ARHGAP26: variants seen among roughly 807,000 people sequenced by gnomAD.
The protein encoded by ARHGAP26 is Rho GTPase activating protein 26.
In ARHGAP26, 38 loss-of-function variants were observed where a neutral mutation model predicts 104.8. The ratio of observed to expected loss-of-function variants is 0.36; its 90% CI spans 0.28 to 0.48. ARHGAP26 has a LOEUF of 0.48. ARHGAP26 is among the 20% of genes least tolerant of loss of function. ARHGAP26 has a pLI of 0.99. For missense variants in ARHGAP26, 704 were observed against 947.9 expected, an observed-to-expected ratio of 0.74 and a Z score of 3.38; for synonymous variants, 341 against 340.0, an observed-to-expected ratio of 1.00 and a Z score of -0.03.
At chr5:143,175,599 C>A (rs892735466) in intron 20 of ARHGAP26, among the ~76,000 whole-genome samples, 1 of 151,570 alleles carries the variant, frequency 6.6e-6, no homozygotes, top group Admixed American at 6.6e-5. Context: ...AATAAACAGC[C>A]CTTCTCAGTT....
intron 18 of ARHGAP26, among the ~76,000 whole-genome samples, chr5:143,125,240 G>A (rs761268241): frequency 6.6e-6 from 1 of 152,152 alleles, no homozygotes; most frequent in Non-Finnish European, 1.5e-5. Flanking sequence ...TTGCCTACCT[G>A]TCTTTCTGTT....
At chr5:143,108,957 C>T (rs1177272606) in intron 17 of ARHGAP26, among the ~76,000 whole-genome samples, 1 of 152,256 alleles carries the variant, frequency 6.6e-6, no homozygotes, top group African/African-American at 2.4e-5. Context: ...TGGCTAAGGG[C>T]CAGTCCCTTA....
At chr5:142,973,724 C>T (rs1472559806) in intron 11 of ARHGAP26, among the ~76,000 whole-genome samples, 2 of 152,026 alleles carry the variant, frequency 1.3e-5, no homozygotes, top group Non-Finnish European at 2.9e-5. Flanking sequence ...TACCTTAAGA[C>T]CCAGGACATT....
At chr5:143,191,296 A>G (rs574274462) in intron 20 of ARHGAP26, among the ~76,000 whole-genome samples, 6 of 152,372 alleles carry the variant, frequency 3.9e-5, no homozygotes, top group African/African-American at 1.4e-4. Context: ...AAATGATACC[A>G]AAATTAAGAG....
At chr5:143,029,145 A>G (rs191825181) in intron 12 of ARHGAP26, among the ~76,000 whole-genome samples, 2 of 152,230 alleles carry the variant, frequency 1.3e-5, no homozygotes, top group East Asian at 3.9e-4. Context: ...GAAAATTGGA[A>G]ATTATTCTTC....
intron 19 of ARHGAP26, among the ~76,000 whole-genome samples, chr5:143,135,666 C>T (rs548280211): frequency 4.6e-5 from 7 of 152,286 alleles, no homozygotes; most frequent in Admixed American, 3.9e-4. Flanking sequence ...TAGCATCATT[C>T]GGGTTGTTTC....
chr5:143,057,415 A>AT (rs1470323968), intron 16 of ARHGAP26, among the ~76,000 whole-genome samples: 2 of 151,922 alleles, frequency 1.3e-5, no homozygotes, highest in Non-Finnish European at 2.9e-5. Flanking sequence ...CTTGGCTTTG[A>AT]TTTTTTGATG....
intron 4 of ARHGAP26, among the ~76,000 whole-genome samples, chr5:142,879,853 A>C (rs1231353343): frequency 6.6e-6 from 1 of 152,130 alleles, no homozygotes; most frequent in Non-Finnish European, 1.5e-5. Context: ...AGGGGTTACA[A>C]ATTTGTGCCC....
chr5:142,797,180 T>A (rs1310178680), intron 1 of ARHGAP26, among the ~76,000 whole-genome samples: 1 of 152,208 alleles, frequency 6.6e-6, no homozygotes, highest in Admixed American at 6.5e-5. Context: ...GAGCATTGTA[T>A]CATTTCTCTG....
chr5:143,079,429 G>A (rs925825593), intron 17 of ARHGAP26, among the ~76,000 whole-genome samples: 2 of 152,138 alleles, frequency 1.3e-5, no homozygotes, highest in African/African-American at 4.8e-5. Flanking sequence ...TAGTCGGCAC[G>A]GGAGAAAGGC....
rs562204559 is a variant in ARHGAP26, at chr5:142,943,198, T to C, written c.1107+11073T>C. 3.3e-4 allele frequency among the ~76,000 whole-genome samples: 51 copies of C among 152,344 alleles called. 1 individual carries two copies. Among genetic ancestry groups the C allele is most frequent in the South Asian group, 1.5e-3 (7 of 4,822 alleles). ...GTTCACTAAATATTTGCCAAATCTT[T>C]AGATAAACCTAGGGAATATTAAAGT... On this transcript the variant is annotated intron_variant, in intron 11 of 22. Transcript: ENST00000645722.
At chr5:143,086,903 C>T (rs1598948413) in intron 17 of ARHGAP26, among the ~76,000 whole-genome samples, 1 of 152,324 alleles carries the variant, frequency 6.6e-6, no homozygotes, top group East Asian at 1.9e-4. Flanking sequence ...AGTTTTGGAT[C>T]CTCCCCGCCT....
intron 5 of ARHGAP26, among the ~76,000 whole-genome samples, chr5:142,886,985 A>G (rs1387426046): frequency 2.6e-5 from 4 of 152,244 alleles, no homozygotes; most frequent in African/African-American, 4.8e-5. Flanking sequence ...CTAAGCAGGT[A>G]TAAATTATGG....
At chr5:142,958,904 TAA>T (rs1199020124) in intron 11 of ARHGAP26, among the ~76,000 whole-genome samples, 28 of 88,170 alleles carry the variant, frequency 3.2e-4, no homozygotes, top group Admixed American at 6.7e-4. Context: ...CGCTGTCTCT[TAA>T]AAAAAAAAAA....
intron 10 of ARHGAP26, among the ~76,000 whole-genome samples, chr5:142,924,907 A>G (rs1201003607): frequency 6.6e-6 from 1 of 152,224 alleles, no homozygotes; most frequent in Non-Finnish European, 1.5e-5. Flanking sequence ...TCAAGAATAT[A>G]GACAGGCATC....
chr5:143,197,148 T>A (rs1197152084), intron 20 of ARHGAP26, among the ~76,000 whole-genome samples: 1 of 152,236 alleles, frequency 6.6e-6, no homozygotes, highest in Non-Finnish European at 1.5e-5. Context: ...TTCCATTTTC[T>A]GCTTTTACAA....
chr5:142,822,494 C>A (rs1157816456), intron 1 of ARHGAP26, among the ~76,000 whole-genome samples: 1 of 151,966 alleles, frequency 6.6e-6, no homozygotes, highest in African/African-American at 2.4e-5. Flanking sequence ...CGGTATAATT[C>A]CTAAATAGGA....
chr5:142,916,005 C>A (rs564742957), intron 10 of ARHGAP26, among the ~76,000 whole-genome samples: 2 of 152,288 alleles, frequency 1.3e-5, no homozygotes, highest in African/African-American at 4.8e-5. Context: ...ACAGGTTCCC[C>A]AGCTCCACCT....
intron 11 of ARHGAP26, among the ~76,000 whole-genome samples, chr5:142,935,118 A>G (rs1037813306): frequency 2.0e-5 from 3 of 152,198 alleles, no homozygotes; most frequent in Admixed American, 2.0e-4. Flanking sequence ...ACTCAATTCA[A>G]ACTTGAAGAA....
Sources: gnomAD v4.1 joint callset for allele counts (sites outside exome capture counted in the v4.1 genomes callset) on GRCh38, gnomAD v4.1.1 for gene constraint, MANE v1.5 for transcripts, NCBI Gene and HGNC (gene_info 2026-07-23, HGNC 2026-07-21) for gene names.